The following MTA3 variants were observed in gnomAD, a reference collection of about 807,000 sequenced individuals.
The protein encoded by MTA3 is metastasis associated 1 family member 3, also known as metastasis-associated protein MTA3.
In MTA3, 34 loss-of-function variants were observed where a neutral mutation model predicts 83.5. The observed-to-expected ratio is 0.41, with a 90% CI of 0.31 to 0.54. The LOEUF (loss-of-function observed/expected upper bound fraction) is 0.54. MTA3 is among the 20% of genes least tolerant of loss of function. MTA3 has a pLI of 0.33. For missense variants in MTA3, 761 were observed against 726.4 expected, an observed-to-expected ratio of 1.05 and a Z score of -0.55; for synonymous variants, 303 against 252.7, an observed-to-expected ratio of 1.20 and a Z score of -1.89.
chr2:42,607,429 G>C (rs912393179), intron 3 of MTA3, among the ~76,000 whole-genome samples: 3 of 152,104 alleles, frequency 2.0e-5, no homozygotes, highest in Non-Finnish European at 2.9e-5. Flanking sequence ...GCCCAGGCTG[G>C]AGTGCAGTGG....
rs750967173 is a variant in MTA3 at position 42,659,753 on chromosome 2, G to T, written c.603-10G>T. On this transcript the variant is annotated splice_polypyrimidine_tract_variant and intron_variant, in intron 7 of 16. Transcript: ENST00000405094. ...TTAATTCTTCCTTATTGTGTTTGTG[G>T]TTTATTCAGTGCTGTTGGGACATTC... The T allele has an allele frequency of 6.5e-7, 1 of 1,545,630 alleles. No homozygotes were observed. The highest frequency in any genetic ancestry group is 8.7e-7 in the Non-Finnish European group (1 of 1,146,932).
intron 5 of MTA3, 85 bp downstream of exon 5, chr2:42,640,321 A>G (rs1687594966): frequency 1.0e-6 from 1 of 970,476 alleles, no homozygotes; most frequent in Non-Finnish European, 1.5e-6. Flanking sequence ...CTTTTTGTAC[A>G]AAAGTATTAT....
In MTA3 at chr2:42,708,913, C is replaced by T. The variant is rs1260505620; in HGVS notation, c.1342C>T (p.Gln448Ter). The T allele has an allele frequency of 1.2e-6, 2 of 1,614,006 alleles. No homozygotes were observed. The highest frequency in any genetic ancestry group is 1.7e-6 in the Non-Finnish European group (2 of 1,179,888). The change falls in exon 14 of 17, where the codon CAG becomes TAG. Residue 448 changes from glutamine to a stop codon, truncating the protein, a stop_gained. Transcript: ENST00000405094. LOFTEE classifies it high-confidence loss of function. ...VRSHVSRQAM[Q>*]GMPVRNTGSP... is the part of the protein sequence containing the mutation. The stretch of plus-strand genomic sequence containing the variant: ...AAGTCACGTGTCCCGCCAGGCCATG[C>T]AGGGAATGCCAGTCCGAAACACTGG...
At chr2:42,545,987 G>A (rs554479392) in intron 2 of MTA3, among the ~76,000 whole-genome samples, 2 of 152,242 alleles carry the variant, frequency 1.3e-5, no homozygotes, top group East Asian at 1.9e-4. Flanking sequence ...CAGGCTCCGC[G>A]TTAACACTAA....
At chr2:42,575,898 C>G (rs553495981) in intron 2 of MTA3, among the ~76,000 whole-genome samples, 1 of 152,112 alleles carries the variant, frequency 6.6e-6, no homozygotes, top group Non-Finnish European at 1.5e-5. Context: ...TACCTGTTGT[C>G]AGCACAGAGT....
chr2:42,663,315 C>G (rs1689910494), intron 8 of MTA3, among the ~76,000 whole-genome samples: 1 of 152,164 alleles, frequency 6.6e-6, no homozygotes, highest in African/African-American at 2.4e-5. Flanking sequence ...CAGCAGCTCA[C>G]TGCTTCCCAC....
chr2:42,743,415 C>A (rs77388170), intron 16 of MTA3, among the ~76,000 whole-genome samples: 133 of 152,262 alleles, frequency 8.7e-4, no homozygotes, highest in African/African-American at 2.9e-3. Context: ...GGTACTGAAG[C>A]AGGACTCAGC....
At chr2:42,660,962 G>A (rs1027530805) in intron 8 of MTA3, among the ~76,000 whole-genome samples, 1 of 152,144 alleles carries the variant, frequency 6.6e-6, no homozygotes, top group Non-Finnish European at 1.5e-5. Flanking sequence ...TGGGATTACT[G>A]TTGTGAGCCA....
chr2:42,583,919 A>G (rs889408828), intron 3 of MTA3, among the ~76,000 whole-genome samples: 4 of 151,356 alleles, frequency 2.6e-5, no homozygotes, highest in African/African-American at 4.9e-5. Flanking sequence ...TCTCAGCTCA[A>G]CGTAACCTCC....
chr2:42,578,299 T>C (rs191368582), intron 2 of MTA3, among the ~76,000 whole-genome samples: 211 of 152,270 alleles, frequency 1.4e-3, no homozygotes, highest in Non-Finnish European at 2.5e-3. Context: ...TTCTAGAGAA[T>C]AGGAGAGCAG....
intron 4 of MTA3, among the ~76,000 whole-genome samples, chr2:42,621,933 G>T (rs1235133551): frequency 6.6e-6 from 1 of 152,016 alleles, no homozygotes; most frequent in East Asian, 1.9e-4. Context: ...GGGCAGCCGG[G>T]CAGAGGGGCT....
chr2:42,640,911 T>C (rs1264123412), intron 5 of MTA3, among the ~76,000 whole-genome samples: 1 of 152,180 alleles, frequency 6.6e-6, no homozygotes, highest in Non-Finnish European at 1.5e-5. Context: ...CATATACGTA[T>C]GTTTTAGTTT....
intron 4 of MTA3, among the ~76,000 whole-genome samples, chr2:42,620,863 A>G (rs970837486): frequency 7.2e-5 from 11 of 152,222 alleles, no homozygotes; most frequent in African/African-American, 2.6e-4. Flanking sequence ...TTGGAATACC[A>G]TTTTTACTTC....
At chr2:42,639,421 A>AT (rs1022144188) in intron 4 of MTA3, among the ~76,000 whole-genome samples, 9 of 152,030 alleles carry the variant, frequency 5.9e-5, no homozygotes, top group African/African-American at 1.9e-4. Context: ...AGTTATACGG[A>AT]TTTTTTTAGG....
chr2:42,601,151 C>T (rs969733651), intron 3 of MTA3, among the ~76,000 whole-genome samples: 15 of 152,004 alleles, frequency 9.9e-5, no homozygotes, highest in Middle Eastern at 3.4e-3. Context: ...ACGATCTACC[C>T]GCCTTGGCCT....
At chr2:42,513,981 A>G (rs964251471) in intron 2 of MTA3, among the ~76,000 whole-genome samples, 4 of 152,234 alleles carry the variant, frequency 2.6e-5, no homozygotes, top group African/African-American at 9.6e-5. Flanking sequence ...TGGGAGGCCA[A>G]GGTGAATGGA....
chr2:42,657,789 C>T (rs190057307), intron 7 of MTA3, among the ~76,000 whole-genome samples: 1,550 of 147,502 alleles, frequency 0.011, 22 homozygotes, highest in African/African-American at 0.037. Context: ...AAAAAGGGCC[C>T]GGCACAGTGG....
intron 9 of MTA3, among the ~76,000 whole-genome samples, chr2:42,689,151 G>A (rs1692657755): frequency 6.6e-6 from 1 of 152,096 alleles, no homozygotes; most frequent in Admixed American, 6.5e-5. Flanking sequence ...ATTTATGATT[G>A]TTGAAAACAA....
At chr2:42,706,222 A>G (rs1234316146) in intron 12 of MTA3, among the ~76,000 whole-genome samples, 1 of 152,150 alleles carries the variant, frequency 6.6e-6, no homozygotes, top group Non-Finnish European at 1.5e-5. Context: ...ACATGTATAC[A>G]TATGTAACTA....
Sources: allele counts gnomAD v4.1 joint callset (sites outside exome capture counted in the v4.1 genomes callset), GRCh38; gene constraint gnomAD v4.1.1; transcripts MANE v1.5; gene names NCBI Gene and HGNC (gene_info 2026-07-23, HGNC 2026-07-21).